The following MYO10 variants were observed in gnomAD, a reference collection of about 807,000 sequenced individuals.
MYO10 encodes the protein myosin X.
A neutral mutation model predicts 257.3 loss-of-function variants in MYO10; 133 were observed. That is an observed-to-expected ratio of 0.52 (90% CI 0.45 to 0.60). The LOEUF is 0.60. MYO10 is among the 20% of genes least tolerant of loss of function. The pLI, the probability that MYO10 is intolerant of heterozygous loss-of-function variation, is 0.00. For missense variants in MYO10, 2,399 were observed against 2,635.7 expected (o/e 0.91, Z 1.97); for synonymous variants, 1,104 against 1,028.6 (o/e 1.07, Z -1.40).
At chr5:16,747,936 AAAAAAAAAAAG>A (rs1740253233) in intron 19 of MYO10, among the ~76,000 whole-genome samples, 1 of 122,290 alleles carries the variant, frequency 8.2e-6, no homozygotes, top group Non-Finnish European at 1.5e-5. Flanking sequence ...AAAAAAAAAA[AAAAAAAAAAAG>A]AAAAAAAAAA....
chr5:16,706,202 T>C (rs548690794), intron 21 of MYO10, among the ~76,000 whole-genome samples: 63 of 152,130 alleles, frequency 4.1e-4, no homozygotes, highest in African/African-American at 1.5e-3. Context: ...TATATACATA[T>C]ATATACACAC....
Position 16,759,229 on chromosome 5 carries a change from C to CA in MYO10, c.1740-1004dup, listed in dbSNP as rs1451791401. On this transcript the variant is annotated intron_variant, in intron 17 of 40. Coordinates refer to ENST00000513610, the MANE Select transcript of MYO10 (RefSeq NM_012334.3). ...TGAGCCACCGCGCCCGCCCAGCCTT[C>CA]AATGATTTTTAAATCTTCCTTGCAT... is the stretch of plus-strand genomic sequence containing the variant. 6.6e-5 allele frequency among the ~76,000 whole-genome samples: 10 copies of CA among 152,260 alleles called. No individual in the cohort carries two copies. The East Asian group carries it at 1.9e-3, about 29-fold the overall frequency.
intron 1 of MYO10, among the ~76,000 whole-genome samples, chr5:16,933,124 C>T (rs1217830077): frequency 3.3e-5 from 5 of 152,180 alleles, no homozygotes; most frequent in Non-Finnish European, 7.3e-5. Context: ...GAATTAATAC[C>T]GCCAAACAAC....
intron 36 of MYO10, among the ~76,000 whole-genome samples, chr5:16,673,182 C>T (rs1736551065): frequency 6.7e-6 from 1 of 150,326 alleles, no homozygotes; most frequent in Admixed American, 6.6e-5. Context: ...AACAGAGACT[C>T]CAGATGACGT....
At chr5:16,869,886 T>C (rs953583422) in intron 2 of MYO10, among the ~76,000 whole-genome samples, 4 of 91,978 alleles carry the variant, frequency 4.3e-5, no homozygotes, top group African/African-American at 1.3e-4. Flanking sequence ...ATAATAATAA[T>C]AACTTAATAA....
At chr5:16,768,133 A>G (rs2126656080) in intron 10 of MYO10, among the ~76,000 whole-genome samples, 1 of 152,156 alleles carries the variant, frequency 6.6e-6, no homozygotes, top group African/African-American at 2.4e-5. Flanking sequence ...CTCCTCTAGA[A>G]CCACTCTGAA....
chr5:16,781,283 T>C (rs911285744), intron 6 of MYO10, among the ~76,000 whole-genome samples: 1 of 152,136 alleles, frequency 6.6e-6, no homozygotes, highest in Non-Finnish European at 1.5e-5. Flanking sequence ...TTTCACCATG[T>C]TGGCCGGGCT....
Position 16,771,894 on chromosome 5 carries a change from T to TATC in MYO10, c.931-2692_931-2691insGAT, listed in dbSNP as rs1208862434. Among the ~76,000 whole-genome samples the TATC allele has an allele frequency of 5.6e-3, 844 of 150,634 alleles. 4 individuals carry two copies. Among genetic ancestry groups the TATC allele is most frequent in the Non-Finnish European group, 7.0e-3 (478 of 67,830 alleles). On this transcript the variant is annotated intron_variant, in intron 9 of 40. Coordinates refer to ENST00000513610, the MANE Select transcript of MYO10 (RefSeq NM_012334.3). ...CCGTGCCCAGCCAGGAACTTATCAT[T>TATC]ATTATTATTATTATTGACCCAACTC...
At chr5:16,735,666 CT>C (rs1158557822) in intron 19 of MYO10, among the ~76,000 whole-genome samples, 1 of 149,438 alleles carries the variant, frequency 6.7e-6, no homozygotes, top group African/African-American at 2.5e-5. Flanking sequence ...ACACTCTAGC[CT>C]AGGCGACAGA....
chr5:16,735,437 G>A (rs942587629), intron 19 of MYO10, among the ~76,000 whole-genome samples: 1 of 152,104 alleles, frequency 6.6e-6, no homozygotes, highest in Non-Finnish European at 1.5e-5. Context: ...AGGTGCAGTG[G>A]CTAACACCTG....
At chr5:16,718,542 G>A (rs1255738580) in intron 19 of MYO10, among the ~76,000 whole-genome samples, 4 of 152,068 alleles carry the variant, frequency 2.6e-5, no homozygotes, top group Non-Finnish European at 5.9e-5. Context: ...TAGCTGCTCT[G>A]GTGAGGACGT....
chr5:16,783,789 A>C (rs1469873771), intron 4 of MYO10, among the ~76,000 whole-genome samples: 1 of 152,230 alleles, frequency 6.6e-6, no homozygotes, highest in Non-Finnish European at 1.5e-5. Context: ...CATTTTGTTC[A>C]CTAGTTCATC....
intron 2 of MYO10, among the ~76,000 whole-genome samples, chr5:16,818,406 G>A (rs71609326): frequency 0.13 from 15,869 of 121,856 alleles, 1,067 homozygotes; most frequent in South Asian, 0.27. Flanking sequence ...GTGTGTGTGT[G>A]TGTGTATATA....
At chr5:16,682,051 C>T (rs1173828104) in intron 30 of MYO10, 38 bp from the exon 31 acceptor site, 1 of 1,600,400 alleles carries the variant, frequency 6.2e-7, no homozygotes, top group Non-Finnish European at 8.5e-7. Flanking sequence ...AGCCCCTTAG[C>T]CCTACCGTCA....
intron 1 of MYO10, among the ~76,000 whole-genome samples, chr5:16,886,642 A>G (rs183533175): frequency 6.4e-4 from 98 of 152,200 alleles, no homozygotes; most frequent in Non-Finnish European, 7.4e-5. Context: ...CATTTGTAAC[A>G]CTACTGCGGC....
At chr5:16,763,612 G>T in intron 13 of MYO10, 43 bp downstream of exon 13, 1 of 1,576,582 alleles carries the variant, frequency 6.3e-7, no homozygotes, top group Non-Finnish European at 8.7e-7. Flanking sequence ...TCTAGTTGCT[G>T]CTTTAAAAAA....
At chr5:16,802,219 A>G (rs757327420) in intron 3 of MYO10, among the ~76,000 whole-genome samples, 5 of 152,212 alleles carry the variant, frequency 3.3e-5, no homozygotes, top group Admixed American at 6.5e-5. Flanking sequence ...GTATGGATTC[A>G]GTTCTGCAAG....
At chr5:16,927,890 G>A (rs2126806130) in intron 1 of MYO10, among the ~76,000 whole-genome samples, 1 of 152,262 alleles carries the variant, frequency 6.6e-6, no homozygotes. Flanking sequence ...AATATTTTCT[G>A]AACACCTCTT....
In MYO10 at chr5:16,779,691, A is replaced by G. The variant is rs564724815; in HGVS notation, c.827-43T>C. The G allele has an allele frequency of 4.2e-6, 5 of 1,200,432 alleles. No individual in the cohort carries two copies. In the South Asian group the frequency reaches 5.5e-5, roughly 13 times the overall value. The allele number at this position is 1,200,432 out of a possible 1,614,324, so 74.4% of individuals were successfully genotyped here. A position where few individuals can be genotyped will look rare whatever the true frequency, so the allele number is the denominator to read the frequency against. ...CATGATGTCACAGTTCTCCAGGACA[A>G]GATGAAATTCAGAGTTTTCACTCTG... On this transcript the variant is annotated intron_variant, in intron 8 of 40. Coordinates refer to ENST00000513610, the MANE Select transcript of MYO10 (RefSeq NM_012334.3).
Sources: allele counts gnomAD v4.1 joint callset (sites outside exome capture counted in the v4.1 genomes callset), GRCh38; gene constraint gnomAD v4.1.1; transcripts MANE v1.5; gene names NCBI Gene and HGNC (gene_info 2026-07-23, HGNC 2026-07-21).